DCC: variants seen among roughly 807,000 people sequenced by gnomAD.
DCC encodes the protein netrin receptor DCC.
Under a neutral mutation model 172.5 loss-of-function variants are expected in DCC, and 58 were observed. That is an observed-to-expected ratio of 0.34 (90% CI 0.27 to 0.42). The LOEUF is 0.42. Among genes scored for constraint, DCC ranks in the 10% least tolerant of loss-of-function variants. The pLI, the probability that DCC is intolerant of heterozygous loss-of-function variation, is 1.00. For missense variants in DCC, 1,740 were observed against 1,791.0 expected (o/e 0.97, Z 0.51); for synonymous variants, 709 against 644.5 (o/e 1.10, Z -1.52).
At chr18:52,706,946 AAAAGAGAGGGAGAGTT>A (rs2036221674) in intron 1 of DCC, among the ~76,000 whole-genome samples, 1 of 152,174 alleles carries the variant, frequency 6.6e-6, no homozygotes, top group South Asian at 2.1e-4. Context: ...GCTGAAATAT[AAAAGAGAGGGAGAGTT>A]AACCAGGAGA....
At chr18:52,791,025 T>A (rs144182946) in intron 2 of DCC, among the ~76,000 whole-genome samples, 28 of 152,216 alleles carry the variant, frequency 1.8e-4, no homozygotes, top group African/African-American at 6.5e-4. Context: ...GGTGGCGGAA[T>A]GGGAAATTTT....
At chr18:52,497,260 C>A (rs1222650288) in intron 1 of DCC, among the ~76,000 whole-genome samples, 1 of 53,966 alleles carries the variant, frequency 1.9e-5, no homozygotes, top group Non-Finnish European at 3.5e-5. Context: ...GACCCTGTAT[C>A]AAAAAAAAAA....
chr18:52,683,398 ATTC>A (rs1466703262), intron 1 of DCC, among the ~76,000 whole-genome samples: 1 of 152,114 alleles, frequency 6.6e-6, no homozygotes, highest in Non-Finnish European at 1.5e-5. Context: ...GGAGCTCTTT[ATTC>A]TTCTAAATTT....
intron 1 of DCC, among the ~76,000 whole-genome samples, chr18:52,553,703 G>C (rs542647851): frequency 6.6e-6 from 1 of 152,104 alleles, no homozygotes; most frequent in East Asian, 1.9e-4. Flanking sequence ...GAGCTCAAAG[G>C]GGGTCTAGAG....
chr18:53,175,433 G>A (rs187637275), intron 8 of DCC, among the ~76,000 whole-genome samples: 2,924 of 152,120 alleles, frequency 0.019, 39 homozygotes, highest in Non-Finnish European at 0.028. Context: ...AAACCCCATC[G>A]TCTCAACCCA....
Position 53,081,723 on chromosome 18 carries a change from C to T in DCC, c.1261+15557C>T, listed in dbSNP as rs555253796. Reference sequence around the variant, plus strand: ...AAGCAGGCCCCCGCTTTTTCTATCTCGGGTGGCCAAATTATGTGTAATTGT... The same window carrying T: ...AAGCAGGCCCCCGCTTTTTCTATCTTGGGTGGCCAAATTATGTGTAATTGT... On this transcript the variant is annotated intron_variant, in intron 7 of 28. Coordinates refer to ENST00000442544, the MANE Select transcript of DCC (RefSeq NM_005215.4). Among the ~76,000 whole-genome samples the T allele has an allele frequency of 7.2e-5, 11 of 152,098 alleles. No homozygotes were observed. The East Asian group carries it at 1.4e-3, about 19-fold the overall frequency.
intron 14 of DCC, among the ~76,000 whole-genome samples, chr18:53,324,750 T>A (rs1412676218): frequency 6.6e-6 from 1 of 152,182 alleles, no homozygotes; most frequent in Non-Finnish European, 1.5e-5. Context: ...ATAAACTATA[T>A]AAATAGTTAT....
At chr18:52,662,287 G>A (rs1313520469) in intron 1 of DCC, among the ~76,000 whole-genome samples, 1 of 152,088 alleles carries the variant, frequency 6.6e-6, no homozygotes, top group Non-Finnish European at 1.5e-5. Context: ...GATTCAACAT[G>A]TGCATCACAG....
rs555351967 is a variant in DCC at position 53,361,199 on chromosome 18, G to C, written c.2359+21292G>C. On this transcript the variant is annotated intron_variant, in intron 15 of 28. Transcript: ENST00000442544. ...AAAGGCAAAAAAGGATCCTCTCATAGGCCTTCAGGGACCGTGCGGCCCTGC... is the reference window on the plus strand; with the variant it reads ...AAAGGCAAAAAAGGATCCTCTCATACGCCTTCAGGGACCGTGCGGCCCTGC... 3.9e-5 allele frequency among the ~76,000 whole-genome samples: 6 copies of C among 152,228 alleles called. No individual in the cohort carries two copies. The South Asian group carries it at 1.2e-3, about 32-fold the overall frequency.
chr18:53,344,279 T>C (rs968323471), intron 15 of DCC, among the ~76,000 whole-genome samples: 2 of 151,988 alleles, frequency 1.3e-5, no homozygotes, highest in Non-Finnish European at 2.9e-5. Context: ...AATTTTGATA[T>C]GTTGTATTTT....
At chr18:53,219,914 A>G (rs575749330) in intron 12 of DCC, among the ~76,000 whole-genome samples, 14 of 152,300 alleles carry the variant, frequency 9.2e-5, no homozygotes, top group African/African-American at 3.4e-4. Context: ...GTGTGTAACA[A>G]GACAGAGGAA....
intron 27 of DCC, among the ~76,000 whole-genome samples, chr18:53,515,818 G>A (rs1267269346): frequency 6.6e-6 from 1 of 151,852 alleles, no homozygotes; most frequent in Non-Finnish European, 1.5e-5. Context: ...ACAAATGGAA[G>A]AACATTCCAT....
intron 27 of DCC, among the ~76,000 whole-genome samples, chr18:53,524,492 G>T (rs1241948141): frequency 6.6e-6 from 1 of 151,928 alleles, no homozygotes; most frequent in East Asian, 1.9e-4. Flanking sequence ...AACTTTAAAT[G>T]TGTTTTTGTT....
At chr18:53,027,454 C>T (rs372290811) in intron 5 of DCC, among the ~76,000 whole-genome samples, 14 of 152,050 alleles carry the variant, frequency 9.2e-5, no homozygotes, top group Admixed American at 2.0e-4. Context: ...AAATGTCATT[C>T]GGAGAGCCAG....
intron 1 of DCC, among the ~76,000 whole-genome samples, chr18:52,703,607 G>A (rs535179419): frequency 2.6e-5 from 4 of 152,168 alleles, no homozygotes; most frequent in Admixed American, 2.0e-4. Context: ...GGTGGTTGAC[G>A]GAAATGGGTC....
intron 27 of DCC, among the ~76,000 whole-genome samples, chr18:53,513,068 C>T (rs28873404): frequency 0.3 from 45,404 of 152,044 alleles, 8,564 homozygotes; most frequent in Non-Finnish European, 0.44. Context: ...AGAGAAAGGT[C>T]GGGTTACCCT....
chr18:52,788,739 A>C (rs1454166019), intron 2 of DCC, among the ~76,000 whole-genome samples: 1 of 152,188 alleles, frequency 6.6e-6, no homozygotes, highest in Non-Finnish European at 1.5e-5. Flanking sequence ...CCTTGGAGGA[A>C]CAGGGCCAGG....
At chr18:53,384,881 T>C (rs1908034209) in intron 15 of DCC, among the ~76,000 whole-genome samples, 1 of 151,866 alleles carries the variant, frequency 6.6e-6, no homozygotes, top group Non-Finnish European at 1.5e-5. Flanking sequence ...AGAGTCTCGC[T>C]GTGTCGCGCA....
At chr18:52,919,734 TCTAA>T (rs2040091958) in intron 3 of DCC, among the ~76,000 whole-genome samples, 1 of 151,796 alleles carries the variant, frequency 6.6e-6, no homozygotes, top group Non-Finnish European at 1.5e-5. Flanking sequence ...ACAACATGAA[TCTAA>T]AAGTTACATG....
Sources: gnomAD v4.1 joint callset for allele counts (sites outside exome capture counted in the v4.1 genomes callset) on GRCh38, gnomAD v4.1.1 for gene constraint, MANE v1.5 for transcripts, NCBI Gene and HGNC (gene_info 2026-07-23, HGNC 2026-07-21) for gene names.